The following DTD1 variants were observed in gnomAD, a reference collection of about 807,000 sequenced individuals.
DTD1 encodes D-aminoacyl-tRNA deacylase 1, also known as D-tyrosyl-tRNA deacylase 1 homolog.
In DTD1, 13 loss-of-function variants were observed where a neutral mutation model predicts 25.6. The observed-to-expected ratio is 0.51, with a 90% confidence interval of 0.33 to 0.81. The LOEUF is 0.81. DTD1 is among the 30% of genes least tolerant of loss of function. The probability of loss-of-function intolerance (pLI) is 0.02; values close to 1 mark genes in which losing one functional copy is unlikely to be tolerated. For synonymous variants in DTD1, 110 were observed against 103.6 expected, an observed-to-expected ratio of 1.06 and a Z score of -0.37; for missense variants, 193 against 266.4, an observed-to-expected ratio of 0.72 and a Z score of 1.92.
chr20:18,759,564 C>G (rs1479246833), intron 5 of DTD1, among the ~76,000 whole-genome samples: 1 of 152,182 alleles, frequency 6.6e-6, no homozygotes, highest in Admixed American at 6.5e-5. Context: ...ATATTGGCCC[C>G]CACTCTCTTC....
In DTD1 at chr20:18,615,634, G is replaced by T. The variant is rs902211477; in HGVS notation, c.371-12493G>T. 3.3e-5 allele frequency among the ~76,000 whole-genome samples: 5 copies of T among 152,226 alleles called. No homozygotes were observed. The South Asian group carries it at 1.0e-3, about 32-fold the overall frequency. On this transcript the variant is annotated intron_variant, in intron 3 of 5. Transcript: ENST00000377452. ...CTTTGCTCTCAAGCTTCTAGTTCCA[G>T]CTCTGAGGCATTTGTAATGGGCTCA...
intron 4 of DTD1, among the ~76,000 whole-genome samples, chr20:18,680,849 C>G (rs1014440366): frequency 2.0e-5 from 3 of 152,076 alleles, no homozygotes; most frequent in Non-Finnish European, 4.4e-5. Context: ...GTGGTGTCAT[C>G]TTAAAATGGT....
intron 4 of DTD1, among the ~76,000 whole-genome samples, chr20:18,709,366 A>T (rs2061149171): frequency 6.6e-6 from 1 of 152,140 alleles, no homozygotes; most frequent in Non-Finnish European, 1.5e-5. Context: ...CATCACCATC[A>T]TCATGTTTGG....
chr20:18,608,720 G>A (rs898316681), intron 3 of DTD1, among the ~76,000 whole-genome samples: 2 of 152,196 alleles, frequency 1.3e-5, no homozygotes, highest in South Asian at 2.1e-4. Flanking sequence ...GGCCATGGCT[G>A]TCATATTGGA....
chr20:18,743,902 A>G (rs914066988), intron 4 of DTD1, among the ~76,000 whole-genome samples, 198 bp from the exon 5 acceptor site: 39 of 152,108 alleles, frequency 2.6e-4, no homozygotes, highest in African/African-American at 8.9e-4. Flanking sequence ...TCCTATGACT[A>G]ATGATTTGTT....
At chr20:18,720,027 T>C (rs1009124357) in intron 4 of DTD1, among the ~76,000 whole-genome samples, 4 of 152,238 alleles carry the variant, frequency 2.6e-5, no homozygotes, top group Non-Finnish European at 5.9e-5. Flanking sequence ...AGAGCTTGGA[T>C]ATCAGCCTCA....
chr20:18,671,824 C>T (rs746044349), intron 4 of DTD1, among the ~76,000 whole-genome samples: 6 of 152,162 alleles, frequency 3.9e-5, no homozygotes, highest in Non-Finnish European at 7.3e-5. Flanking sequence ...AGTTTGAGGG[C>T]AGGAAACATA....
chr20:18,751,930 G>A (rs1434599315), intron 5 of DTD1, among the ~76,000 whole-genome samples: 1 of 151,788 alleles, frequency 6.6e-6, no homozygotes, highest in Non-Finnish European at 1.5e-5. Flanking sequence ...CAGCCCTAGA[G>A]GAGCAGCTTT....
At chr20:18,624,534 T>C (rs987689859) in intron 3 of DTD1, among the ~76,000 whole-genome samples, 3 of 152,154 alleles carry the variant, frequency 2.0e-5, no homozygotes, top group African/African-American at 7.2e-5. Context: ...CCATGCTCGA[T>C]TGAGTCTGGG....
chr20:18,625,705 C>T (rs1568650569), intron 3 of DTD1, among the ~76,000 whole-genome samples: 2 of 152,238 alleles, frequency 1.3e-5, no homozygotes, highest in African/African-American at 4.8e-5. Flanking sequence ...CTTGAGGTCC[C>T]AGCCTGTAAC....
At chr20:18,596,296 A>T in intron 3 of DTD1, 55 bp downstream of exon 3, 4 of 1,446,246 alleles carry the variant, frequency 2.8e-6, no homozygotes, top group Non-Finnish European at 1.9e-6. Context: ...CTGGATGGAG[A>T]GAAAAAAGAA....
chr20:18,708,342 TATA>T (rs2061143717), intron 4 of DTD1, among the ~76,000 whole-genome samples: 1 of 75,630 alleles, frequency 1.3e-5, no homozygotes, highest in Non-Finnish European at 2.6e-5. Flanking sequence ...ATTTTATATA[TATA>T]TTATATATCT....
chr20:18,661,409 T>C (rs1403557376), intron 4 of DTD1, among the ~76,000 whole-genome samples: 11 of 147,492 alleles, frequency 7.5e-5, no homozygotes, highest in Non-Finnish European at 1.5e-4. Context: ...TCTTGCTCTG[T>C]CGCCCAGGCT....
At chr20:18,648,162 T>A (rs1042949594) in intron 4 of DTD1, among the ~76,000 whole-genome samples, 2 of 152,176 alleles carry the variant, frequency 1.3e-5, no homozygotes, top group African/African-American at 4.8e-5. Context: ...GGTGCAGTCT[T>A]CTCTGATACC....
chr20:18,704,623 G>A (rs1053403898), intron 4 of DTD1, among the ~76,000 whole-genome samples: 3 of 152,148 alleles, frequency 2.0e-5, no homozygotes, highest in African/African-American at 7.2e-5. Flanking sequence ...ACCTTTGGGG[G>A]CATTTGACAA....
chr20:18,760,927 G>A (rs200311589), intron 5 of DTD1, among the ~76,000 whole-genome samples: 1 of 152,154 alleles, frequency 6.6e-6, no homozygotes, highest in African/African-American at 2.4e-5. Flanking sequence ...CTCAAGCCTC[G>A]GCAATGGTGG....
intron 4 of DTD1, among the ~76,000 whole-genome samples, chr20:18,697,092 C>T (rs1005258033): frequency 8.6e-5 from 13 of 151,656 alleles, no homozygotes; most frequent in African/African-American, 2.2e-4. Context: ...ATTGTCCAGG[C>T]GTGGTGGTGG....
chr20:18,707,426 G>A (rs184429428), intron 4 of DTD1, among the ~76,000 whole-genome samples: 5 of 152,126 alleles, frequency 3.3e-5, no homozygotes, highest in South Asian at 2.1e-4. Flanking sequence ...CTCACCCTGC[G>A]TGCTCACTCA....
chr20:18,659,280 G>A (rs946596386), intron 4 of DTD1, among the ~76,000 whole-genome samples: 2 of 152,156 alleles, frequency 1.3e-5, no homozygotes, highest in Admixed American at 1.3e-4. Context: ...CCCAGCACTG[G>A]TTTGCACCTT....
Sources: gnomAD v4.1 joint callset for allele counts (sites outside exome capture counted in the v4.1 genomes callset) on GRCh38, gnomAD v4.1.1 for gene constraint, MANE v1.5 for transcripts, NCBI Gene and HGNC (gene_info 2026-07-23, HGNC 2026-07-21) for gene names.